The following RALYL variants were observed in gnomAD, a reference collection of about 807,000 sequenced individuals.
RALYL encodes the protein RNA-binding Raly-like protein.
In RALYL, 29 loss-of-function variants were observed where a neutral mutation model predicts 35.1. The observed-to-expected ratio is 0.83, with a 90% confidence interval of 0.61 to 1.13. The LOEUF (loss-of-function observed/expected upper bound fraction) is 1.13, where lower values mean the gene tolerates loss of function less well. RALYL is among the 50% of genes most tolerant of loss of function. RALYL has a pLI of 0.00. For synonymous variants in RALYL, 120 were observed against 127.6 expected, an observed-to-expected ratio of 0.94 and a Z score of 0.40; for missense variants, 359 against 360.4, an observed-to-expected ratio of 1.00 and a Z score of 0.03.
rs180956965 is a variant in RALYL at position 84,250,400 on chromosome 8, C to A, written c.-24+65976C>A. ...TTTTTTTTGAGACAGAGTTTTGCTC[C>A]CATTGCCCAGGCTGGAGTGCAGTGG... On this transcript the variant is annotated intron_variant, in intron 1 of 8. Coordinates refer to ENST00000521268, the MANE Select transcript of RALYL (RefSeq NM_173848.7). Among the ~76,000 whole-genome samples, 696 of 150,832 alleles carry A rather than the reference C, an allele frequency of 4.6e-3. 1 individual carries two copies. The highest frequency in any genetic ancestry group is 7.1e-3 in the Admixed American group (107 of 15,094).
chr8:84,769,650 A>G (rs1363831057), intron 2 of RALYL, among the ~76,000 whole-genome samples: 1 of 152,052 alleles, frequency 6.6e-6, no homozygotes, highest in East Asian at 1.9e-4. Context: ...AATTCCAGCT[A>G]CTTGGGAGGC....
chr8:84,542,836 C>G (rs991885634), intron 2 of RALYL, among the ~76,000 whole-genome samples: 16 of 152,134 alleles, frequency 1.1e-4, no homozygotes, highest in African/African-American at 3.6e-4. Context: ...TCACAGTTCC[C>G]TCTCATAATC....
rs56799862 is a variant in RALYL, at chr8:84,479,085, C to CAAAA, written c.-23-50179_-23-50176dup. 7.6e-3 allele frequency among the ~76,000 whole-genome samples: 165 copies of CAAAA among 21,826 alleles called. 56 individuals are homozygous for CAAAA. The highest frequency in any genetic ancestry group is 0.022 in the South Asian group (4 of 178). The allele number at this position is 21,826 out of a possible 152,430, so 14.3% of individuals were successfully genotyped here. A position where few individuals can be genotyped will look rare whatever the true frequency, so the allele number is the denominator to read the frequency against. On this transcript the variant is annotated intron_variant, in intron 1 of 8. Coordinates refer to ENST00000521268, the MANE Select transcript of RALYL (RefSeq NM_173848.7). ...TAGGTGACAGAGCAAGACTCCGTCT[C>CAAAA]AAAAAAAAAAAAAAAAAAAAAAAAA... is the stretch of plus-strand genomic sequence containing the variant.
intron 2 of RALYL, among the ~76,000 whole-genome samples, chr8:84,687,437 C>A (rs1837043033): frequency 6.6e-6 from 1 of 152,080 alleles, no homozygotes; most frequent in Non-Finnish European, 1.5e-5. Context: ...TTTCACTCAA[C>A]TGATTAGGTT....
chr8:84,918,916 T>C (rs1848892875), intron 8 of RALYL, among the ~76,000 whole-genome samples: 1 of 152,122 alleles, frequency 6.6e-6, no homozygotes, highest in Non-Finnish European at 1.5e-5. Flanking sequence ...ATTATTTTTA[T>C]GTAATTATTT....
At chr8:84,464,014 T>G (rs2051169825) in intron 1 of RALYL, among the ~76,000 whole-genome samples, 1 of 152,044 alleles carries the variant, frequency 6.6e-6, no homozygotes, top group African/African-American at 2.4e-5. Flanking sequence ...GTCATAATTC[T>G]CTGATATTCT....
intron 8 of RALYL, 60 bp downstream of exon 8, chr8:84,887,836 C>T (rs1002559537): frequency 7.2e-7 from 1 of 1,386,338 alleles, no homozygotes; most frequent in Admixed American, 2.1e-5. Flanking sequence ...ATGTTAGCAA[C>T]TCATTCATTC....
chr8:84,459,717 C>A (rs956283455), intron 1 of RALYL, among the ~76,000 whole-genome samples: 19 of 151,736 alleles, frequency 1.3e-4, no homozygotes, highest in African/African-American at 4.6e-4. Context: ...GAAATCATCT[C>A]CAGTAAGTGA....
chr8:84,231,597 G>T (rs1298037372), intron 1 of RALYL, among the ~76,000 whole-genome samples: 1 of 152,108 alleles, frequency 6.6e-6, no homozygotes, highest in East Asian at 1.9e-4. Flanking sequence ...CCTTTTTAAA[G>T]ATTTTACTTT....
chr8:84,242,295 T>C (rs1401574187), intron 1 of RALYL, among the ~76,000 whole-genome samples: 2 of 152,162 alleles, frequency 1.3e-5, no homozygotes, highest in Non-Finnish European at 2.9e-5. Flanking sequence ...CTATTGTAAA[T>C]AGTGCTGCAG....
chr8:84,765,791 T>C (rs1813787719), intron 2 of RALYL, among the ~76,000 whole-genome samples: 1 of 151,858 alleles, frequency 6.6e-6, no homozygotes, highest in Non-Finnish European at 1.5e-5. Context: ...CCTGGCAGTC[T>C]GCATGCCATG....
At chr8:84,736,125 GAAT>G (rs2132961113) in intron 2 of RALYL, among the ~76,000 whole-genome samples, 1 of 152,144 alleles carries the variant, frequency 6.6e-6, no homozygotes, top group East Asian at 1.9e-4. Flanking sequence ...CAAAGAATTA[GAAT>G]AATAAGAAAA....
At chr8:84,790,444 T>G (rs1820509091) in intron 3 of RALYL, among the ~76,000 whole-genome samples, 1 of 152,216 alleles carries the variant, frequency 6.6e-6, no homozygotes, top group Non-Finnish European at 1.5e-5. Flanking sequence ...ACCTCTTAGC[T>G]TCTATGAACA....
At chr8:84,388,129 G>A (rs1175409268) in intron 1 of RALYL, among the ~76,000 whole-genome samples, 1 of 152,052 alleles carries the variant, frequency 6.6e-6, no homozygotes, top group Non-Finnish European at 1.5e-5. Context: ...TACTGAGAAT[G>A]ATGATTTCCA....
intron 1 of RALYL, among the ~76,000 whole-genome samples, chr8:84,364,871 T>G (rs1439040865): frequency 1.3e-5 from 2 of 152,260 alleles, no homozygotes; most frequent in South Asian, 4.1e-4. Context: ...GAAAGGAATA[T>G]ATGATTTAGA....
intron 4 of RALYL, among the ~76,000 whole-genome samples, chr8:84,835,259 T>C (rs899715510): frequency 1.3e-5 from 2 of 151,926 alleles, no homozygotes; most frequent in African/African-American, 4.8e-5. Context: ...CAAGCATGAG[T>C]TGGATGTAAA....
chr8:84,396,955 C>A (rs1188071450), intron 1 of RALYL, among the ~76,000 whole-genome samples: 1 of 151,966 alleles, frequency 6.6e-6, no homozygotes, highest in Non-Finnish European at 1.5e-5. Context: ...TTCCTAATCC[C>A]CAGAACTTGT....
rs57061884 is a variant in RALYL at position 84,280,180 on chromosome 8, A to C, written c.-24+95756A>C. Among the ~76,000 whole-genome samples the C allele has an allele frequency of 7.9e-3, 1,196 of 152,290 alleles. 20 individuals are homozygous for C. The highest frequency in any genetic ancestry group is 0.026 in the African/African-American group (1,097 of 41,556). On this transcript the variant is annotated intron_variant, in intron 1 of 8. Transcript: ENST00000521268. Reference sequence around the variant, plus strand: ...CTGATTCCATGTGACTATACCATTAAAATCATGTCTCAATTATGAATATAC... The same window carrying C: ...CTGATTCCATGTGACTATACCATTACAATCATGTCTCAATTATGAATATAC...
chr8:84,427,022 A>T (rs961011763), intron 1 of RALYL, among the ~76,000 whole-genome samples: 3 of 152,192 alleles, frequency 2.0e-5, no homozygotes, highest in African/African-American at 2.4e-5. Context: ...AGTGTTATTT[A>T]AAAAAGCTAG....
Sources: allele counts gnomAD v4.1 joint callset (sites outside exome capture counted in the v4.1 genomes callset), GRCh38; gene constraint gnomAD v4.1.1; transcripts MANE v1.5; gene names NCBI Gene and HGNC (gene_info 2026-07-23, HGNC 2026-07-21).